MYO1C: variants seen among roughly 807,000 people sequenced by gnomAD.
MYO1C encodes myosin IC.
Under a neutral mutation model 150.8 loss-of-function variants are expected in MYO1C, and 104 were observed. The observed-to-expected ratio is 0.69, with a 90% confidence interval of 0.59 to 0.81. The LOEUF is 0.81. Among genes scored for constraint, MYO1C ranks in the 30% least tolerant of loss-of-function variants. The pLI, the probability that MYO1C is intolerant of heterozygous loss-of-function variation, is 0.00. For synonymous variants in MYO1C, 663 were observed against 579.9 expected (o/e 1.14, Z -2.06); for missense variants, 1,504 against 1,435.0 (o/e 1.05, Z -0.78).
At position 1,492,564 on chromosome 17, in the gene MYO1C, C is replaced by A; in HGVS notation, c.-77G>T. ...CTGCCTGCCCACTGGCGGGCTCCGA[C>A]CACTCCGGGACCAGGAACCTACGGT... On this transcript the variant is annotated 5_prime_UTR_variant, in exon 1 of 32. Coordinates refer to ENST00000648651, the MANE Select transcript of MYO1C (RefSeq NM_001080779.2). 7.2e-7 allele frequency: 1 copy of A among 1,384,840 alleles called. No homozygotes were observed. The allele number at this position is 1,384,840 out of a possible 1,614,324, so 85.8% of individuals were successfully genotyped here. A position where few individuals can be genotyped will look rare whatever the true frequency, so the allele number is the denominator to read the frequency against.
rs748641195 is a variant in MYO1C at position 1,472,043 on chromosome 17, C to T, written c.1904-19G>A. 91 of 1,613,368 alleles carry T rather than the reference C, an allele frequency of 5.6e-5. No individual in the cohort carries two copies. Among genetic ancestry groups the T allele is most frequent in the Non-Finnish European group, 7.4e-5 (87 of 1,179,710 alleles). ...AAGCGGCCTGGGGTAGGGGGAGCGC[C>T]GTGGTCAGCGGGCTGGCGCTGACGG... On this transcript the variant is annotated intron_variant, in intron 18 of 31. Coordinates refer to ENST00000648651, the MANE Select transcript of MYO1C (RefSeq NM_001080779.2).
At chr17:1,485,133 C>T in intron 1 of MYO1C, 2 of 1,209,274 alleles carry the variant, frequency 1.7e-6, no homozygotes, top group Non-Finnish European at 2.1e-6. Context: ...ATGGAAAGCC[C>T]AGCTGCCTCT....
chr17:1,486,570 C>G (rs1354723016), intron 1 of MYO1C, among the ~76,000 whole-genome samples: 2 of 149,904 alleles, frequency 1.3e-5, no homozygotes, highest in Admixed American at 6.6e-5. Context: ...GGTTGGAGTT[C>G]AGTGGCGCGA....
chr17:1,468,054 G>A lies in MYO1C; in HGVS notation c.2830C>T (p.Pro944Ser), dbSNP rs1336101628. The A allele has an allele frequency of 6.2e-7, 1 of 1,613,266 alleles. No homozygotes were observed. The highest frequency in any genetic ancestry group is 1.3e-5 in the African/African-American group (1 of 74,788). Residue 944 changes from proline to serine, a missense_variant, in exon 28 of 32, where the codon CCC (proline) becomes TCC (serine). Physicochemically the swap from Pro to Ser is moderately conservative, Grantham distance 74. Coordinates refer to ENST00000648651, the MANE Select transcript of MYO1C (RefSeq NM_001080779.2). ...KPRSRQLLLT[P>S]NAVVIVEDAK... ...TCCTCCACGATGACGACGGCGTTGG[G>A]CGTGAGCAGCAGCTGCCGGGAGCGA...
chr17:1,473,462 A>C (rs1240510443), intron 17 of MYO1C, among the ~76,000 whole-genome samples: 1 of 151,690 alleles, frequency 6.6e-6, no homozygotes, highest in Non-Finnish European at 1.5e-5. Context: ...GCTTCGGGAG[A>C]GGGTGGGGTG....
chr17:1,492,354 C>CT, intron 1 of MYO1C, 59 bp downstream of exon 1: 1 of 1,526,806 alleles, frequency 6.5e-7, no homozygotes, highest in South Asian at 1.2e-5. Context: ...CTGAGAGGGG[C>CT]TGCCCGGCCT....
At chr17:1,469,342 G>T (rs11656203) in intron 25 of MYO1C, 189 bp downstream of exon 25, 1 of 621,722 alleles carries the variant, frequency 1.6e-6, no homozygotes, top group Non-Finnish European at 2.9e-6. Context: ...TACGGTAGGC[G>T]GGGTAAATAC....
chr17:1,484,545 T>A (rs1175045121), intron 1 of MYO1C: 1 of 603,750 alleles, frequency 1.7e-6, no homozygotes, highest in South Asian at 1.9e-5. Flanking sequence ...TCACCGAGGC[T>A]GCGGGCACAG....
intron 31 of MYO1C, among the ~76,000 whole-genome samples, 163 bp downstream of exon 31, chr17:1,467,079 G>A (rs1375698322): frequency 1.3e-5 from 2 of 152,216 alleles, no homozygotes; most frequent in South Asian, 2.1e-4. Context: ...TCTGCACTGA[G>A]GGGCTCTCTC....
Position 1,479,681 on chromosome 17 carries a change from C to A in MYO1C, c.931G>T (p.Val311Phe). ...AAGTGGATGTTGCCCAAATGAAGGACGCTGGCCACGATGCTCAGCAGGTCC... is the reference window on the plus strand; with the variant it reads ...AAGTGGATGTTGCCCAAATGAAGGAAGCTGGCCACGATGCTCAGCAGGTCC... ...VEDLLSIVASVLHLGNIHFAA... is the reference protein window; with the variant it reads ...VEDLLSIVASFLHLGNIHFAA... Residue 311 changes from valine (V) to phenylalanine (F), a missense_variant, in exon 8 of 32, where the codon GTC becomes TTC. By Grantham distance (50) the Val-to-Phe change is conservative. Coordinates refer to ENST00000648651, the MANE Select transcript of MYO1C (RefSeq NM_001080779.2). The surrounding 1 kb of genome is among the most constrained non-coding windows in gnomAD (Gnocchi z 4.2). The A allele has an allele frequency of 6.2e-6, 10 of 1,612,786 alleles. No individual in the cohort carries two copies. Among genetic ancestry groups the A allele is most frequent in the Non-Finnish European group, 8.5e-6 (10 of 1,179,574 alleles).
chr17:1,485,779 G>T (rs889996020), intron 1 of MYO1C: 3 of 985,844 alleles, frequency 3.0e-6, no homozygotes, highest in Non-Finnish European at 3.7e-6. Flanking sequence ...CGGCGGTGGC[G>T]GCGGCGTCAG....
chr17:1,483,872 G>A (rs912875157), intron 2 of MYO1C, 147 bp from the exon 3 acceptor site: 55 of 730,230 alleles, frequency 7.5e-5, no homozygotes, highest in Middle Eastern at 3.4e-4. Flanking sequence ...GGAGAAATCC[G>A]TCTCTACTAA....
chr17:1,468,178 C>A (rs2150930599), intron 27 of MYO1C, 55 bp from the exon 28 acceptor site: 2 of 1,611,256 alleles, frequency 1.2e-6, no homozygotes, highest in Non-Finnish European at 1.7e-6. Context: ...AGGCTCCGCC[C>A]CTGCCCTGAC....
intron 5 of MYO1C, 50 bp downstream of exon 5, chr17:1,482,428 G>A (rs374561749): frequency 4.3e-5 from 66 of 1,519,332 alleles, no homozygotes; most frequent in Admixed American, 3.7e-4. Flanking sequence ...TGCTTCACAC[G>A]TGTAGAGCCT....
In MYO1C at chr17:1,474,590, C is replaced by T. The variant is rs2286872; in HGVS notation, c.1797+20G>A. ...ACTCAGGCGCATGCACCCCTGCGCCCGGTCCCGCCACCTCCTCACCGTCTC... is the reference window on the plus strand; with the variant it reads ...ACTCAGGCGCATGCACCCCTGCGCCTGGTCCCGCCACCTCCTCACCGTCTC... On this transcript the variant is annotated intron_variant, in intron 17 of 31. Coordinates refer to ENST00000648651, the MANE Select transcript of MYO1C (RefSeq NM_001080779.2). The T allele has an allele frequency of 0.43, 699,610 of 1,612,336 alleles. 154,883 individuals carry two copies. The highest frequency in any genetic ancestry group is 0.46 in the Non-Finnish European group (544,759 of 1,179,366).
At chr17:1,476,837 GT>G (rs1257606106) in intron 14 of MYO1C, among the ~76,000 whole-genome samples, 1 of 150,850 alleles carries the variant, frequency 6.6e-6, no homozygotes, top group East Asian at 1.9e-4. Flanking sequence ...CTAGTGTCTT[GT>G]TTTTTGTTTT....
chr17:1,471,879 C>T (rs778788315), intron 19 of MYO1C, 28 bp downstream of exon 19: 6 of 1,607,846 alleles, frequency 3.7e-6, no homozygotes, highest in Non-Finnish European at 5.1e-6. Context: ...GCTCCCCTTC[C>T]CTGGCACCGA....
At chr17:1,472,562 C>G (rs2074326431) in intron 17 of MYO1C, among the ~76,000 whole-genome samples, 1 of 152,254 alleles carries the variant, frequency 6.6e-6, no homozygotes, top group Non-Finnish European at 1.5e-5. Context: ...ACAGCATGTC[C>G]CATGCTACGC....
rs1250068645 is a variant in MYO1C, at chr17:1,470,157, C to G, written c.2526+18G>C. The G allele has an allele frequency of 1.2e-6, 2 of 1,601,514 alleles. No individual in the cohort carries two copies. The highest frequency in any genetic ancestry group is 1.7e-5 in the Admixed American group (1 of 58,796). ...TGTACTATGATGGTCCCTAACTTGGCAGGGGGTGCCCACAGACCTCACGCA... is the reference window on the plus strand; with the variant it reads ...TGTACTATGATGGTCCCTAACTTGGGAGGGGGTGCCCACAGACCTCACGCA... On this transcript the variant is annotated intron_variant, in intron 24 of 31. Transcript: ENST00000648651.
Sources: allele counts gnomAD v4.1 joint callset (sites outside exome capture counted in the v4.1 genomes callset), GRCh38; gene constraint gnomAD v4.1.1; non-coding constraint Gnocchi (gnomAD v3.1); transcripts MANE v1.5; gene names NCBI Gene and HGNC (gene_info 2026-07-23, HGNC 2026-07-21).